GRM4: variants seen among roughly 807,000 people sequenced by gnomAD.
The protein encoded by GRM4 is glutamate metabotropic receptor 4.
Under a neutral mutation model 81.7 loss-of-function variants are expected in GRM4, and 28 were observed. The observed-to-expected ratio is 0.34, with a 90% CI of 0.25 to 0.47. The LOEUF is 0.47. Among genes scored for constraint, GRM4 ranks in the 20% least tolerant of loss-of-function variants. GRM4 has a pLI of 1.00. For missense variants in GRM4, 948 were observed against 1,290.0 expected (o/e 0.73, Z 4.06); for synonymous variants, 488 against 528.8 (o/e 0.92, Z 1.06).
chr6:34,138,516 A>G lies in GRM4; in HGVS notation c.-363-4657T>C, dbSNP rs565659564. Among the ~76,000 whole-genome samples, 50 of 152,330 alleles carry G rather than the reference A, an allele frequency of 3.3e-4. 1 individual carries two copies. The South Asian group carries it at 9.9e-3, about 30-fold the overall frequency. ...AGGGGGATGGCAGCGCCACTGCCCC[A>G]AAGGGGAAATGAGGGAGAACTGGAG... is the stretch of plus-strand genomic sequence containing the variant. On this transcript the variant is annotated intron_variant, in intron 1 of 10. Transcript: ENST00000538487.
intron 2 of GRM4, among the ~76,000 whole-genome samples, chr6:34,093,205 GA>G (rs1163365165): frequency 6.6e-6 from 1 of 152,214 alleles, no homozygotes; most frequent in Non-Finnish European, 1.5e-5. Flanking sequence ...TGTGGGTGGG[GA>G]AATGTTCCTG....
At chr6:34,096,307 T>C (rs1335423900) in intron 2 of GRM4, among the ~76,000 whole-genome samples, 1 of 152,148 alleles carries the variant, frequency 6.6e-6, no homozygotes. Flanking sequence ...CCAGAGTCCA[T>C]GACCTCATCT....
chr6:34,060,846 C>T (rs1027416041), intron 4 of GRM4: 2 of 152,262 alleles, frequency 1.3e-5, no homozygotes, highest in Non-Finnish European at 2.9e-5. Flanking sequence ...GAGGGCCTCC[C>T]CTCCCTGGCC....
At chr6:34,053,702 A>C (rs1031262576) in intron 6 of GRM4, among the ~76,000 whole-genome samples, 1 of 152,230 alleles carries the variant, frequency 6.6e-6, no homozygotes, top group Non-Finnish European at 1.5e-5. Context: ...ACTTTGCTGC[A>C]TAGTAGAACC....
At position 34,092,607 on chromosome 6, in the gene GRM4, C is replaced by T. The variant is rs376400093; in HGVS notation, c.520-508G>A. The stretch of plus-strand genomic sequence containing the variant: ...GCCCTGCTCAGAGGAGATGGAGCCT[C>T]GATTCCAGCTCCCCTGTCCCCCACT... On this transcript the variant is annotated intron_variant, in intron 2 of 10. Transcript: ENST00000538487. The surrounding 1 kb of genome is among the most constrained non-coding windows in gnomAD (Gnocchi z 6.8). Among the ~76,000 whole-genome samples, 3 of 152,196 alleles carry T rather than the reference C, an allele frequency of 2.0e-5. No homozygotes were observed. The highest frequency in any genetic ancestry group is 3.9e-4 in the East Asian group (2 of 5,164).
chr6:34,129,676 G>C (rs894640711), intron 2 of GRM4, among the ~76,000 whole-genome samples: 3 of 152,178 alleles, frequency 2.0e-5, no homozygotes, highest in Admixed American at 1.3e-4. Context: ...GCTGTCTCTT[G>C]AGCAGGCAGT....
At chr6:34,118,301 G>C (rs1769673984) in intron 2 of GRM4, among the ~76,000 whole-genome samples, 1 of 152,178 alleles carries the variant, frequency 6.6e-6, no homozygotes, top group Non-Finnish European at 1.5e-5. Context: ...GTGCTTAATG[G>C]GATAGAGCAA....
At position 34,064,037 on chromosome 6, in the gene GRM4, CAG is replaced by C. The variant is rs1223197710; in HGVS notation, c.737-2011_737-2010del. ...CGCGTGATGGTCTTGCCTGGCACCT[CAG>C]GGCATATCTTGCAAGCTTCGTTTTG... On this transcript the variant is annotated intron_variant, in intron 3 of 10. Coordinates refer to ENST00000538487, the MANE Select transcript of GRM4 (RefSeq NM_000841.4). This position sits in a 1 kb window ranked among gnomAD's most constrained non-coding sequence, Gnocchi z 4.4. 1.3e-5 allele frequency among the ~76,000 whole-genome samples: 2 copies of C among 152,120 alleles called. No individual in the cohort carries two copies. Among genetic ancestry groups the C allele is most frequent in the Admixed American group, 1.3e-4 (2 of 15,280 alleles).
chr6:34,139,855 A>T (rs1004464552), intron 1 of GRM4, among the ~76,000 whole-genome samples: 5 of 152,172 alleles, frequency 3.3e-5, no homozygotes, highest in African/African-American at 1.2e-4. Context: ...ACAACCATTC[A>T]GTCCCTCGGT....
intron 2 of GRM4, among the ~76,000 whole-genome samples, chr6:34,093,303 G>A (rs1468420721): frequency 3.3e-5 from 5 of 152,216 alleles, no homozygotes; most frequent in Non-Finnish European, 7.3e-5. Context: ...CCACCCCCCA[G>A]ACCAGTCAGC....
chr6:34,056,475 G>A (rs1190561932), intron 6 of GRM4, 69 bp downstream of exon 6: 3 of 1,401,496 alleles, frequency 2.1e-6, no homozygotes, highest in African/African-American at 2.8e-5. Context: ...CTCGGCCTCA[G>A]GCCCCCAGGC....
rs1005221794 is a variant in GRM4 at position 34,110,902 on chromosome 6, G to A, written c.520-18803C>T. On this transcript the variant is annotated intron_variant, in intron 2 of 10. Coordinates refer to ENST00000538487, the MANE Select transcript of GRM4 (RefSeq NM_000841.4). ...GGAAGTTCCCCCCAGGGCAGGCTGG[G>A]AGTATGGACAGTAAGAGCCCACAAG... The A allele has an allele frequency of 8.8e-6, 11 of 1,254,088 alleles. No homozygotes were observed. The African/African-American group carries it at 1.2e-4, about 14-fold the overall frequency. The allele number at this position is 1,254,088 out of a possible 1,614,324, so 77.7% of individuals were successfully genotyped here.
chr6:34,145,012 TCCCCGCCGCAGC>T (rs1466404026), intron 1 of GRM4, among the ~76,000 whole-genome samples: 1 of 150,958 alleles, frequency 6.6e-6, no homozygotes, highest in Non-Finnish European at 1.5e-5. Flanking sequence ...AGCCCCGATG[TCCCCGCCGCAGC>T]CCTCGCCCCA....
chr6:34,132,951 C>A, intron 2 of GRM4, 27 bp downstream of exon 2: 1 of 1,558,734 alleles, frequency 6.4e-7, no homozygotes, highest in South Asian at 1.2e-5. Context: ...GGGAAGAGCA[C>A]CTCAGGGGAC....
At position 34,028,301 on chromosome 6, in the gene GRM4, C is replaced by T. The variant is rs777055876; in HGVS notation, c.2508G>A (p.Met836Ile). 13 of 1,613,598 alleles carry T rather than the reference C, an allele frequency of 8.1e-6. No homozygotes were observed. The Admixed American group carries it at 2.2e-4, about 27-fold the overall frequency. The part of the protein sequence containing the change: ...VSLSASVSLG[M>I]LYMPKVYIIL... ...TGATGTAGACTTTGGGCATGTAGAG[C>T]ATTCCCAGGGACACCGAGGCGCTCA... The change falls in exon 10 of 11, where the codon ATG (methionine) becomes ATA (isoleucine). Residue 836 changes from methionine (M) to isoleucine (I), a missense_variant. By Grantham distance (10) the Met-to-Ile change is conservative (BLOSUM62 1). Transcript: ENST00000538487.
chr6:34,067,160 C>T (rs1280061868), intron 3 of GRM4, among the ~76,000 whole-genome samples: 6 of 152,180 alleles, frequency 3.9e-5, no homozygotes, highest in Non-Finnish European at 1.5e-5. Flanking sequence ...ATGACATAGA[C>T]ACTTCGTGGA....
intron 2 of GRM4, among the ~76,000 whole-genome samples, chr6:34,100,977 A>G (rs1768805865): frequency 6.6e-6 from 1 of 152,124 alleles, no homozygotes; most frequent in Non-Finnish European, 1.5e-5. Context: ...TAAGCCACGG[A>G]GCTTTGAGGG....
intron 2 of GRM4, among the ~76,000 whole-genome samples, chr6:34,123,392 C>G (rs1369074463): frequency 6.6e-6 from 1 of 152,156 alleles, no homozygotes; most frequent in East Asian, 1.9e-4. Context: ...CTCGAACGCC[C>G]CTTAGATGCT....
chr6:34,035,812 C>T lies in GRM4; in HGVS notation c.2298G>A (p.Thr766=), dbSNP rs1469541415. Residue 766 remains threonine, a synonymous_variant, in exon 9 of 11, where the codon ACG becomes ACA. Transcript: ENST00000538487. The surrounding 1 kb of genome is among the most constrained non-coding windows in gnomAD (Gnocchi z 6.6). The stretch of plus-strand genomic sequence containing the variant: ...GTGTCTTGATGGCATACACGGTGCA[C>T]GTGACCATGAGCAGCATGCTGTAGC... ...LLGYSMLLMV[T]CTVYAIKTRG... 5.0e-6 allele frequency: 8 copies of T among 1,613,708 alleles called. No individual in the cohort carries two copies. Among genetic ancestry groups the T allele is most frequent in the African/African-American group, 1.3e-5 (1 of 74,934 alleles).
Sources: allele counts gnomAD v4.1 joint callset (sites outside exome capture counted in the v4.1 genomes callset), GRCh38; gene constraint gnomAD v4.1.1; non-coding constraint Gnocchi (gnomAD v3.1); transcripts MANE v1.5; gene names NCBI Gene and HGNC (gene_info 2026-07-23, HGNC 2026-07-21).